TMEFF2: variants seen among roughly 807,000 people sequenced by gnomAD.
TMEFF2 encodes the protein tomoregulin-2.
In TMEFF2, 28 loss-of-function variants were observed where a neutral mutation model predicts 53.8. The ratio of observed to expected loss-of-function variants is 0.52; its 90% CI spans 0.39 to 0.71. TMEFF2 has a LOEUF of 0.71. Among genes scored for constraint, TMEFF2 ranks in the 30% least tolerant of loss-of-function variants. The probability of loss-of-function intolerance (pLI) is 0.00; values close to 1 mark genes in which losing one functional copy is unlikely to be tolerated. For missense variants in TMEFF2, 353 were observed against 455.2 expected, an observed-to-expected ratio of 0.78 and a Z score of 2.04; for synonymous variants, 162 against 166.3, an observed-to-expected ratio of 0.97 and a Z score of 0.20.
At chr2:192,150,111 T>C (rs2105999331) in intron 4 of TMEFF2, among the ~76,000 whole-genome samples, 1 of 152,056 alleles carries the variant, frequency 6.6e-6, no homozygotes, top group African/African-American at 2.4e-5. Flanking sequence ...CATTTTAAAA[T>C]TAATTAAAAT....
chr2:192,194,203 T>G lies in TMEFF2; in HGVS notation c.172+150A>C. The stretch of plus-strand genomic sequence containing the variant: ...CCCCCGGGCCTGCAACAGTTCCCCT[T>G]GTTTCTCTGGATAGAGGTGGGTGGT... On this transcript the variant is annotated intron_variant, in intron 1 of 9. Coordinates refer to ENST00000272771, the MANE Select transcript of TMEFF2 (RefSeq NM_016192.4). The surrounding 1 kb of genome is among the most constrained non-coding windows in gnomAD (Gnocchi z 4.2). 1.8e-5 allele frequency: 16 copies of G among 912,332 alleles called. No individual in the cohort carries two copies. The highest frequency in any genetic ancestry group is 2.2e-5 in the Non-Finnish European group (13 of 600,442). 56.5% of individuals were successfully genotyped at this position (912,332 alleles called of 1,614,324 possible). A position where few individuals can be genotyped will look rare whatever the true frequency, so the allele number is the denominator to read the frequency against.
Position 192,184,233 on chromosome 2 carries a change from A to C in TMEFF2, c.412+121T>G, listed in dbSNP as rs192091646. 1.1e-3 allele frequency: 1,337 copies of C among 1,266,106 alleles called. 4 individuals carry two copies. The highest frequency in any genetic ancestry group is 1.4e-3 in the Non-Finnish European group (1,262 of 916,826). The allele number at this position is 1,266,106 out of a possible 1,614,324, so 78.4% of individuals were successfully genotyped here. ...AATAACAAATGTTTTGAACAAAACA[A>C]TACGGCTTGTCTAGTCAACATATAA... On this transcript the variant is annotated intron_variant, in intron 3 of 9. Transcript: ENST00000272771.
rs184061822 is a variant in TMEFF2 at position 192,013,327 on chromosome 2, C to T, written c.537-14119G>A. On this transcript the variant is annotated intron_variant, in intron 5 of 9. Transcript: ENST00000272771. ...CCACCAGCACTTTTCACTTGCTGTT[C>T]CCTCTGCCTGGAATGTCCTAATCTC... is the stretch of plus-strand genomic sequence containing the variant. 2.3e-3 allele frequency among the ~76,000 whole-genome samples: 356 copies of T among 152,254 alleles called. 2 individuals are homozygous for T. Among genetic ancestry groups the T allele is most frequent in the African/African-American group, 7.6e-3 (315 of 41,534 alleles).
chr2:191,963,472 C>T lies in TMEFF2; in HGVS notation c.746-7094G>A, dbSNP rs182572409. 6.5e-3 allele frequency among the ~76,000 whole-genome samples: 982 copies of T among 151,914 alleles called. 9 individuals are homozygous for T. The highest frequency in any genetic ancestry group is 0.022 in the African/African-American group (909 of 41,222). ...GCCATGTGAGCCAAGCAGTTTTCTT[C>T]TTTGTAGGCTGCGTGTGCAGAAATG... On this transcript the variant is annotated intron_variant, in intron 7 of 9. Transcript: ENST00000272771.
Position 192,194,295 on chromosome 2 carries a change from T to G in TMEFF2, c.172+58A>C. The G allele has an allele frequency of 6.3e-7, 1 of 1,597,902 alleles. No individual in the cohort carries two copies. Among genetic ancestry groups the G allele is most frequent in the Non-Finnish European group, 8.6e-7 (1 of 1,169,588 alleles). On this transcript the variant is annotated intron_variant, in intron 1 of 9. Transcript: ENST00000272771. This position sits in a 1 kb window ranked among gnomAD's most constrained non-coding sequence, Gnocchi z 4.2. ...CGCGCTAGGGTAGGCTGGTCTGTGC[T>G]GGATACGCGTGTTCTTCTGCGGAGT...
chr2:192,121,277 G>T lies in TMEFF2; in HGVS notation c.439+58391C>A, dbSNP rs145563838. ...TTTGTCAGATGCCATAGTTTGAAAA[G>T]AAACTCCAGATGAGAGGATATCTGG... On this transcript the variant is annotated intron_variant, in intron 4 of 9. Transcript: ENST00000272771. Among the ~76,000 whole-genome samples the T allele has an allele frequency of 2.1e-4, 32 of 152,266 alleles. No homozygotes were observed. In the East Asian group the frequency reaches 4.8e-3, roughly 23 times the overall value.
intron 4 of TMEFF2, among the ~76,000 whole-genome samples, chr2:192,122,063 CAAAG>C (rs1265522022): frequency 2.0e-5 from 3 of 151,986 alleles, no homozygotes; most frequent in Non-Finnish European, 4.4e-5. Flanking sequence ...ATTCCCAACT[CAAAG>C]AAATAATAAA....
At chr2:192,147,170 A>G (rs908608441) in intron 4 of TMEFF2, among the ~76,000 whole-genome samples, 1 of 151,978 alleles carries the variant, frequency 6.6e-6, no homozygotes, top group South Asian at 2.1e-4. Flanking sequence ...ACTCTTGTAG[A>G]TATAGTGAAA....
chr2:191,998,156 T>G (rs1354497948), intron 7 of TMEFF2, 106 bp downstream of exon 7: 1 of 868,594 alleles, frequency 1.2e-6, no homozygotes, highest in Non-Finnish European at 1.8e-6. Flanking sequence ...CTAGCACATG[T>G]TAGAAGTCTT....
chr2:192,180,174 T>C (rs1221114910), intron 3 of TMEFF2, among the ~76,000 whole-genome samples: 1 of 151,676 alleles, frequency 6.6e-6, no homozygotes, highest in African/African-American at 2.4e-5. Context: ...GGTGTTGATA[T>C]GTTTTACGAA....
chr2:191,954,846 G>A (rs879859122), intron 8 of TMEFF2, among the ~76,000 whole-genome samples: 2 of 152,144 alleles, frequency 1.3e-5, no homozygotes, highest in African/African-American at 4.8e-5. Context: ...ATTAGCATGT[G>A]TCAATGAAAT....
intron 4 of TMEFF2, among the ~76,000 whole-genome samples, chr2:192,120,646 G>A (rs901551915): frequency 2.0e-5 from 3 of 152,062 alleles, no homozygotes; most frequent in African/African-American, 7.2e-5. Flanking sequence ...CCATCCTTGT[G>A]GTCTTTTGGG....
Position 191,953,853 on chromosome 2 carries a change from G to T in TMEFF2, c.870-16C>A, listed in dbSNP as rs746999324. ...AGCATCACACCTGGAAGAAATTATA[G>T]TGCCCAGTTACCTGTAGGGTGCTGC... On this transcript the variant is annotated splice_polypyrimidine_tract_variant and intron_variant, in intron 8 of 9. Coordinates refer to ENST00000272771, the MANE Select transcript of TMEFF2 (RefSeq NM_016192.4). 1.3e-6 allele frequency: 2 copies of T among 1,527,884 alleles called. No homozygotes were observed. Among genetic ancestry groups the T allele is most frequent in the Non-Finnish European group, 1.8e-6 (2 of 1,115,988 alleles). The allele number at this position is 1,527,884 out of a possible 1,614,324, so 94.6% of individuals were successfully genotyped here.
intron 4 of TMEFF2, among the ~76,000 whole-genome samples, chr2:192,075,300 T>TATAAATAAATAAATAA (rs1452082643): frequency 1.0e-4 from 4 of 40,114 alleles, no homozygotes; most frequent in Admixed American, 3.0e-4. Flanking sequence ...TATATATATA[T>TATAAATAAATAAATAA]ATATATATAT....
chr2:192,045,320 TGATTCATG>T (rs1687589141), intron 5 of TMEFF2, among the ~76,000 whole-genome samples: 1 of 152,196 alleles, frequency 6.6e-6, no homozygotes, highest in African/African-American at 2.4e-5. Context: ...GACTGTACAC[TGATTCATG>T]GACTGTGGCC....
intron 7 of TMEFF2, among the ~76,000 whole-genome samples, chr2:191,982,277 A>G (rs1359586628): frequency 6.6e-6 from 1 of 152,160 alleles, no homozygotes; most frequent in African/African-American, 2.4e-5. Context: ...GAGATTATCT[A>G]TCTAAGATCT....
intron 5 of TMEFF2, among the ~76,000 whole-genome samples, chr2:192,013,294 T>G (rs1686673172): frequency 6.6e-6 from 1 of 152,152 alleles, no homozygotes; most frequent in Non-Finnish European, 1.5e-5. Context: ...ACATGCCACA[T>G]GCTTCTGCCA....
At chr2:192,058,661 T>G (rs1178871704) in intron 4 of TMEFF2, among the ~76,000 whole-genome samples, 1 of 152,120 alleles carries the variant, frequency 6.6e-6, no homozygotes, top group Non-Finnish European at 1.5e-5. Context: ...TAAAAATATA[T>G]AGTTGAAAGA....
chr2:192,008,267 T>C (rs1686547585), intron 5 of TMEFF2, among the ~76,000 whole-genome samples: 1 of 152,216 alleles, frequency 6.6e-6, no homozygotes, highest in Non-Finnish European at 1.5e-5. Context: ...ACTGTGTTAG[T>C]GAGCAAACAA....
Sources: allele counts gnomAD v4.1 joint callset (sites outside exome capture counted in the v4.1 genomes callset), GRCh38; gene constraint gnomAD v4.1.1; non-coding constraint Gnocchi (gnomAD v3.1); transcripts MANE v1.5; gene names NCBI Gene and HGNC (gene_info 2026-07-23, HGNC 2026-07-21).